Variants in RNF216 observed in about 807,000 individuals in gnomAD.
The protein encoded by RNF216 is ring finger protein 216.
A neutral mutation model predicts 110.8 loss-of-function variants in RNF216; 72 were observed. The observed-to-expected ratio is 0.65, with a 90% CI of 0.54 to 0.79. The LOEUF (loss-of-function observed/expected upper bound fraction) is 0.79. Among genes scored for constraint, RNF216 ranks in the 30% least tolerant of loss-of-function variants. The probability of loss-of-function intolerance (pLI) is 0.00; values close to 1 mark genes in which losing one functional copy is unlikely to be tolerated. For missense variants in RNF216, 1,342 were observed against 1,141.2 expected (o/e 1.18, Z -2.54); for synonymous variants, 495 against 407.5 (o/e 1.21, Z -2.59).
chr7:5,717,373 A>G (rs1793131705), intron 9 of RNF216, among the ~76,000 whole-genome samples: 1 of 152,148 alleles, frequency 6.6e-6, no homozygotes, highest in African/African-American at 2.4e-5. Context: ...ACAAACATAC[A>G]AAAACTAAGT....
chr7:5,684,470 T>C (rs1790855354), intron 13 of RNF216, among the ~76,000 whole-genome samples: 1 of 152,154 alleles, frequency 6.6e-6, no homozygotes, highest in Non-Finnish European at 1.5e-5. Context: ...TAGGCTCCTC[T>C]TGGAGTTTGT....
intron 8 of RNF216, among the ~76,000 whole-genome samples, chr7:5,724,763 C>T (rs917856911): frequency 1.2e-4 from 18 of 152,152 alleles, no homozygotes; most frequent in South Asian, 2.1e-4. Flanking sequence ...TTGTAGTAAA[C>T]GCCTTTACTG....
chr7:5,644,853 C>A (rs1479052510), intron 14 of RNF216, among the ~76,000 whole-genome samples: 1 of 137,622 alleles, frequency 7.3e-6, no homozygotes, highest in Admixed American at 7.6e-5. Context: ...GAAACGGAGT[C>A]TTGCTCTGTT....
chr7:5,776,529 A>G (rs1176086965), intron 1 of RNF216, among the ~76,000 whole-genome samples: 1 of 141,958 alleles, frequency 7.0e-6, no homozygotes, highest in Non-Finnish European at 1.5e-5. Flanking sequence ...CGGGAGGCGG[A>G]GCTTGCAGTG....
intron 13 of RNF216, among the ~76,000 whole-genome samples, chr7:5,688,423 A>G (rs2128611134): frequency 6.6e-6 from 1 of 152,366 alleles, no homozygotes; most frequent in African/African-American, 2.4e-5. Context: ...AAAAAAATTT[A>G]AATGTTCGTA....
At chr7:5,662,605 CCCTTCCACCAGTGCCACTGAGAG>C (rs1358216293) in intron 13 of RNF216, 4 of 152,356 alleles carry the variant, frequency 2.6e-5, no homozygotes, top group South Asian at 2.1e-4. Context: ...CCACCCTTGC[CCCTTCCACCAGTGCCACTGAGAG>C]CCTTCCATCA....
chr7:5,750,973 G>A (rs761498986), intron 3 of RNF216, among the ~76,000 whole-genome samples: 1 of 152,226 alleles, frequency 6.6e-6, no homozygotes, highest in Non-Finnish European at 1.5e-5. Context: ...TTGCAGAGCA[G>A]ACTACTTGGT....
At chr7:5,663,349 G>C (rs1397350464) in intron 13 of RNF216, among the ~76,000 whole-genome samples, 3 of 152,136 alleles carry the variant, frequency 2.0e-5, no homozygotes, top group Non-Finnish European at 2.9e-5. Flanking sequence ...GGGAGGCCGA[G>C]GCAGGTGGAT....
chr7:5,653,894 G>A (rs528738590), intron 13 of RNF216, among the ~76,000 whole-genome samples: 1 of 152,344 alleles, frequency 6.6e-6, no homozygotes, highest in Non-Finnish European at 1.5e-5. Context: ...CAGTTCCTAT[G>A]GCTGGACTGC....
At chr7:5,684,816 G>A (rs151107691) in intron 13 of RNF216, among the ~76,000 whole-genome samples, 97 of 150,232 alleles carry the variant, frequency 6.5e-4, no homozygotes, top group African/African-American at 2.1e-3. Flanking sequence ...TAAACCAAAT[G>A]ACATGCCTCA....
rs115560679 is a variant in RNF216, at chr7:5,738,167, T to C, written c.1121+1109A>G. ...TTAGAAGGAGGGGAAAGAGTATATTTTTCATTTTATATTCTTCAGGAAAAC... is the reference window on the plus strand; with the variant it reads ...TTAGAAGGAGGGGAAAGAGTATATTCTTCATTTTATATTCTTCAGGAAAAC... On this transcript the variant is annotated intron_variant, in intron 5 of 16. Transcript: ENST00000389902. 7.5e-3 allele frequency among the ~76,000 whole-genome samples: 1,147 copies of C among 151,934 alleles called. 9 individuals carry two copies. Among genetic ancestry groups the C allele is most frequent in the African/African-American group, 0.025 (1,026 of 41,306 alleles).
chr7:5,715,280 C>T (rs899117340), intron 10 of RNF216, 90 bp from the exon 11 acceptor site: 5 of 1,343,286 alleles, frequency 3.7e-6, no homozygotes, highest in East Asian at 2.3e-5. Flanking sequence ...TGCCACCCCC[C>T]ACACAAATTC....
intron 13 of RNF216, among the ~76,000 whole-genome samples, chr7:5,682,809 A>G (rs1790745602): frequency 6.6e-6 from 1 of 152,206 alleles, no homozygotes; most frequent in South Asian, 2.1e-4. Context: ...TCTTAAGCAA[A>G]TGGATTCTCT....
chr7:5,727,496 G>T (rs1366477237), intron 7 of RNF216, among the ~76,000 whole-genome samples: 1 of 152,158 alleles, frequency 6.6e-6, no homozygotes, highest in Non-Finnish European at 1.5e-5. Flanking sequence ...GGAGGTGGAG[G>T]TGGGAGGATA....
chr7:5,770,826 G>A (rs541347448), intron 1 of RNF216, among the ~76,000 whole-genome samples: 23 of 149,150 alleles, frequency 1.5e-4, no homozygotes, highest in African/African-American at 4.7e-4. Context: ...CTTTCCCCCC[G>A]AAACAGTGTC....
chr7:5,699,456 G>A (rs909995464), intron 13 of RNF216, among the ~76,000 whole-genome samples: 2 of 152,202 alleles, frequency 1.3e-5, no homozygotes, highest in Non-Finnish European at 2.9e-5. Context: ...ACCTCAGCCT[G>A]TTTTAACTAT....
In RNF216 at chr7:5,656,177, G is replaced by C. The variant is rs1025143864; in HGVS notation, c.2062-3667C>G. Among the ~76,000 whole-genome samples the C allele has an allele frequency of 2.0e-5, 3 of 152,148 alleles. No homozygotes were observed. In the East Asian group the frequency reaches 5.8e-4, roughly 29 times the overall value. On this transcript the variant is annotated intron_variant, in intron 13 of 16. Transcript: ENST00000389902. The stretch of plus-strand genomic sequence containing the variant: ...CCAGCTACTCTGGAAGCTGAGACAG[G>C]AGAATTGCTTGAACCCAGGAGGTGG...
Position 5,740,961 on chromosome 7 carries a change from A to G in RNF216, c.1044+12T>C. On this transcript the variant is annotated intron_variant, in intron 4 of 16. Transcript: ENST00000389902. Reference sequence around the variant, plus strand: ...TGTAGTGTCTACATTTACTTGATAAAATAAAACTTACCGTTTCTTTCACTA... The same window carrying G: ...TGTAGTGTCTACATTTACTTGATAAGATAAAACTTACCGTTTCTTTCACTA... The G allele has an allele frequency of 6.3e-7, 1 of 1,576,478 alleles. No individual in the cohort carries two copies. Among genetic ancestry groups the G allele is most frequent in the East Asian group, 2.2e-5 (1 of 44,718 alleles).
chr7:5,650,232 G>T (rs965543146), intron 14 of RNF216, among the ~76,000 whole-genome samples: 1 of 152,094 alleles, frequency 6.6e-6, no homozygotes, highest in Non-Finnish European at 1.5e-5. Flanking sequence ...TTGATTTTTG[G>T]AATCAACATA....
Sources: allele counts gnomAD v4.1 joint callset (sites outside exome capture counted in the v4.1 genomes callset), GRCh38; gene constraint gnomAD v4.1.1; transcripts MANE v1.5; gene names NCBI Gene and HGNC (gene_info 2026-07-23, HGNC 2026-07-21).